The following SLC38A12 variants were observed in gnomAD, a reference collection of about 807,000 sequenced individuals.
The protein encoded by SLC38A12 is putative sodium-coupled neutral amino acid transporter 12.
chr17:74,797,835 C>A, the SLC38A12 span, among the ~76,000 whole-genome samples: 4 of 152,342 alleles, frequency 2.6e-5, no homozygotes, highest in African/African-American at 9.6e-5. Flanking sequence ...CTTCCCCTCC[C>A]AAGTCTGGCC....
At chr17:74,777,273 C>G in the SLC38A12 span, 5 of 1,605,892 alleles carry the variant, frequency 3.1e-6, no homozygotes, top group Non-Finnish European at 3.4e-6. Context: ...GGAGCTGCGG[C>G]AGCCGCCGTC....
chr17:74,779,686 G>A, the SLC38A12 span, among the ~76,000 whole-genome samples: 1 of 152,232 alleles, frequency 6.6e-6, no homozygotes, highest in Non-Finnish European at 1.5e-5. Context: ...AACGTGGGCA[G>A]AGCTCTGCCC....
At chr17:74,795,656 G>A in the SLC38A12 span, 1,408 of 1,579,710 alleles carry the variant, frequency 8.9e-4, 12 homozygotes, top group African/African-American at 4.2e-4. Context: ...CCTCTGTGCC[G>A]CCTGCCCCAG....
the SLC38A12 span, among the ~76,000 whole-genome samples, chr17:74,822,143 C>T: frequency 0.019 from 2,932 of 152,276 alleles, 87 homozygotes; most frequent in African/African-American, 0.067. Flanking sequence ...AAATAAAGAG[C>T]GATTGTCTCA....
the SLC38A12 span, chr17:74,838,786 C>G: frequency 6.7e-7 from 1 of 1,488,934 alleles, no homozygotes; most frequent in South Asian, 1.3e-5. Context: ...CAAGAGAGCC[C>G]CAGGTGATGC....
chr17:74,778,361 G>A, the SLC38A12 span, among the ~76,000 whole-genome samples: 1 of 152,166 alleles, frequency 6.6e-6, no homozygotes, highest in Non-Finnish European at 1.5e-5. Flanking sequence ...AAGCAGCACT[G>A]CCCTAAGTAG....
the SLC38A12 span, among the ~76,000 whole-genome samples, chr17:74,813,224 A>G: frequency 1.3e-5 from 2 of 152,310 alleles, no homozygotes; most frequent in East Asian, 1.9e-4. Flanking sequence ...ATTTGTCTCC[A>G]TGGGACATTG....
the SLC38A12 span, chr17:74,795,478 C>T: frequency 1.5e-5 from 24 of 1,570,212 alleles, no homozygotes; most frequent in South Asian, 5.7e-5. Flanking sequence ...CCAGCCCAGC[C>T]AGGCGGCCTC....
At chr17:74,838,573 C>T in the SLC38A12 span, 33 of 1,202,336 alleles carry the variant, frequency 2.7e-5, no homozygotes, top group African/African-American at 3.6e-4. Flanking sequence ...TGGCCGTGTT[C>T]CCTGCCCTGG....
the SLC38A12 span, among the ~76,000 whole-genome samples, chr17:74,818,362 C>T: frequency 1.6e-4 from 25 of 152,374 alleles, no homozygotes; most frequent in Non-Finnish European, 2.9e-4. Context: ...GCCCTCCATG[C>T]CTGGTGGCTG....
At chr17:74,829,192 C>T in the SLC38A12 span, among the ~76,000 whole-genome samples, 5 of 152,144 alleles carry the variant, frequency 3.3e-5, no homozygotes, top group Non-Finnish European at 7.4e-5. The surrounding 1 kb of genome is among the most constrained non-coding windows in gnomAD (Gnocchi z 4.1). Context: ...GGCGCGATCT[C>T]AGCTCACTGC....
the SLC38A12 span, among the ~76,000 whole-genome samples, chr17:74,809,475 CT>C: frequency 2.0e-5 from 3 of 152,188 alleles, no homozygotes; most frequent in African/African-American, 7.2e-5. Context: ...CTCTCCCTGT[CT>C]TTCTCGGAGC....
At chr17:74,837,785 AAC>A in the SLC38A12 span, 3 of 985,938 alleles carry the variant, frequency 3.0e-6, no homozygotes, top group Non-Finnish European at 2.4e-6. Context: ...CCTCCTGGGA[AAC>A]ACAGGTGACT....
chr17:74,790,341 C>T, the SLC38A12 span: 1 of 1,553,100 alleles, frequency 6.4e-7, no homozygotes, highest in African/African-American at 1.4e-5. Context: ...CTCCGGGCCA[C>T]AGGGTTCCCT....
At chr17:74,795,772 G>A in the SLC38A12 span, 5 of 676,928 alleles carry the variant, frequency 7.4e-6, no homozygotes, top group South Asian at 1.9e-5. Context: ...TAAGCACTGG[G>A]GCCTTGGCCC....
chr17:74,782,023 A>G, the SLC38A12 span, among the ~76,000 whole-genome samples: 78 of 152,146 alleles, frequency 5.1e-4, no homozygotes, highest in East Asian at 0.012. Flanking sequence ...ACTGTTTCCA[A>G]TGCTTTCCCA....
the SLC38A12 span, among the ~76,000 whole-genome samples, chr17:74,794,224 A>G: frequency 4.6e-5 from 7 of 152,242 alleles, no homozygotes; most frequent in Admixed American, 4.6e-4. Flanking sequence ...GGAGACGTTC[A>G]TGGACTTACT....
the SLC38A12 span, among the ~76,000 whole-genome samples, chr17:74,789,671 C>T: frequency 6.6e-6 from 1 of 151,418 alleles, no homozygotes; most frequent in African/African-American, 2.4e-5. Context: ...CATGGTGAAA[C>T]CCCATCTCTA....
At chr17:74,787,293 G>T in the SLC38A12 span, among the ~76,000 whole-genome samples, 2 of 151,392 alleles carry the variant, frequency 1.3e-5, no homozygotes, top group African/African-American at 4.9e-5. Flanking sequence ...GAGAGGCAGG[G>T]GTGAGTCTGC....
Sources: gnomAD v4.1 joint callset for allele counts (sites outside exome capture counted in the v4.1 genomes callset) on GRCh38, gnomAD v4.1.1 for gene constraint, Gnocchi (gnomAD v3.1) non-coding constraint, MANE v1.5 for transcripts, NCBI Gene and HGNC (gene_info 2026-07-23, HGNC 2026-07-21) for gene names.